TPST2: variants seen among roughly 807,000 people sequenced by gnomAD.
TPST2 encodes the protein protein-tyrosine sulfotransferase 2.
TPST2 carries 16 observed loss-of-function variants against 27.8 expected under a neutral mutation model. That is an observed-to-expected ratio of 0.58 (90% CI 0.39 to 0.88). The LOEUF is 0.88. Among genes scored for constraint, TPST2 ranks in the 40% least tolerant of loss-of-function variants. TPST2 has a pLI of 0.00. For missense variants in TPST2, 464 were observed against 543.1 expected (o/e 0.85, Z 1.45); for synonymous variants, 229 against 231.7 (o/e 0.99, Z 0.10).
chr22:26,545,802 T>G (rs2267082), intron 1 of TPST2, among the ~76,000 whole-genome samples: 39,522 of 152,120 alleles, frequency 0.26, 5,287 homozygotes, highest in African/African-American at 0.27. Flanking sequence ...CAGCCAGGCC[T>G]GGGGTGGTGG....
chr22:26,560,894 T>C, intron 1 of TPST2: 1 of 1,601,324 alleles, frequency 6.2e-7, no homozygotes, highest in Non-Finnish European at 8.6e-7. Flanking sequence ...TGTCCATTGG[T>C]GATGTTGCGA....
chr22:26,553,492 C>A (rs1926604124), intron 1 of TPST2, among the ~76,000 whole-genome samples: 1 of 151,492 alleles, frequency 6.6e-6, no homozygotes, highest in South Asian at 2.1e-4. Flanking sequence ...TCTGCCCCAG[C>A]CTGCCAAGTA....
At chr22:26,540,497 G>C (rs1925730598) in intron 3 of TPST2, among the ~76,000 whole-genome samples, 1 of 152,206 alleles carries the variant, frequency 6.6e-6, no homozygotes. Context: ...TACTCAGGAA[G>C]ATGAGGTGGG....
chr22:26,549,343 C>T (rs932334477), intron 1 of TPST2, among the ~76,000 whole-genome samples: 12 of 152,084 alleles, frequency 7.9e-5, no homozygotes, highest in Admixed American at 2.0e-4. Flanking sequence ...CCAACCCTAG[C>T]GTGGTGTCAT....
At chr22:26,548,981 A>G (rs1163624810) in intron 1 of TPST2, among the ~76,000 whole-genome samples, 3 of 152,158 alleles carry the variant, frequency 2.0e-5, no homozygotes, top group Non-Finnish European at 1.5e-5. Context: ...AGAAAAAAAA[A>G]TCTGAAATCC....
At chr22:26,532,812 AAC>A in intron 4 of TPST2, 67 bp from the exon 5 acceptor site, 1 of 1,502,372 alleles carries the variant, frequency 6.7e-7, no homozygotes, top group Non-Finnish European at 9.2e-7. Flanking sequence ...AGTCATTCCC[AAC>A]ACATCCAGTC....
intron 1 of TPST2, among the ~76,000 whole-genome samples, chr22:26,562,300 G>A (rs1191595354): frequency 6.6e-6 from 1 of 152,188 alleles, no homozygotes; most frequent in East Asian, 1.9e-4. Context: ...GGGGCTGCTG[G>A]AGAGATGCAA....
intron 1 of TPST2, among the ~76,000 whole-genome samples, chr22:26,573,846 G>A (rs966933688): frequency 7.2e-5 from 11 of 152,178 alleles, no homozygotes; most frequent in Non-Finnish European, 1.3e-4. Context: ...CCGGTTTCCT[G>A]AGCATTCACC....
chr22:26,559,687 A>G (rs1313328850), intron 1 of TPST2, among the ~76,000 whole-genome samples: 1 of 151,914 alleles, frequency 6.6e-6, no homozygotes, highest in African/African-American at 2.4e-5. Flanking sequence ...CACTTAGCAC[A>G]CTCTGTTCAA....
Position 26,541,216 on chromosome 22 carries a change from C to G in TPST2, c.415G>C (p.Ala139Pro), listed in dbSNP as rs1344576504. 6.4e-7 allele frequency: 1 copy of G among 1,568,474 alleles called. No homozygotes were observed. The highest frequency in any genetic ancestry group is 8.7e-7 in the Non-Finnish European group (1 of 1,155,004). Residue 139 changes from alanine to proline, a missense_variant, in exon 3 of 7, where the codon GCC becomes CCC. Physicochemically the swap from Ala to Pro is conservative, Grantham distance 27. Coordinates refer to ENST00000338754, the MANE Select transcript of TPST2 (RefSeq NM_003595.5). The surrounding 1 kb of genome is among the most constrained non-coding windows in gnomAD (Gnocchi z 5.9). ...TDEVLDAAMQ[A>P]FILEVIAKHG... ...TTGGCAATCACCTCCAGGATGAAGGCCTGCATGGCGGCGTCCAGCACCTCA... is the reference window on the plus strand; with the variant it reads ...TTGGCAATCACCTCCAGGATGAAGGGCTGCATGGCGGCGTCCAGCACCTCA...
intron 4 of TPST2, among the ~76,000 whole-genome samples, chr22:26,534,850 GAAT>G (rs911556458): frequency 2.0e-5 from 3 of 151,968 alleles, no homozygotes; most frequent in South Asian, 4.2e-4. Flanking sequence ...TATTATTAAA[GAAT>G]AATAAAATAA....
At chr22:26,562,983 C>G (rs1927194269) in intron 1 of TPST2, among the ~76,000 whole-genome samples, 1 of 152,152 alleles carries the variant, frequency 6.6e-6, no homozygotes, top group Non-Finnish European at 1.5e-5. Context: ...ATGGGTAGAG[C>G]CCACGGATGC....
chr22:26,541,775 AATAACTGCAAAGCCCT>A lies in TPST2; in HGVS notation c.-88-73_-88-58del, dbSNP rs1438585952. ...GAGGTCTGTGAGCTGTGAGCTCTCC[AATAACTGCAAAGCCCT>A]ATAACTGCAAACAAGAGGCTGCTGA... On this transcript the variant is annotated intron_variant, in intron 2 of 6. Transcript: ENST00000338754. This position sits in a 1 kb window ranked among gnomAD's most constrained non-coding sequence, Gnocchi z 5.9. 8 of 1,401,060 alleles carry A rather than the reference AATAACTGCAAAGCCCT, an allele frequency of 5.7e-6. No homozygotes were observed. The highest frequency in any genetic ancestry group is 2.9e-5 in the Admixed American group (1 of 34,702). 86.8% of individuals were successfully genotyped at this position (1,401,060 alleles called of 1,614,324 possible). A position where few individuals can be genotyped will look rare whatever the true frequency, so the allele number is the denominator to read the frequency against.
intron 1 of TPST2, among the ~76,000 whole-genome samples, chr22:26,572,993 C>T (rs1927689167): frequency 6.6e-6 from 1 of 152,150 alleles, no homozygotes; most frequent in East Asian, 1.9e-4. Context: ...ATCACTTAAC[C>T]TCTCTGGGCC....
intron 1 of TPST2, among the ~76,000 whole-genome samples, chr22:26,553,060 CAAAAAAAAAAAA>C (rs3037016): frequency 2.3e-5 from 1 of 43,172 alleles, no homozygotes; most frequent in Non-Finnish European, 4.0e-5. Flanking sequence ...AACTCCATCT[CAAAAAAAAAAAA>C]AAAAAAAAAA....
intron 5 of TPST2, among the ~76,000 whole-genome samples, chr22:26,529,867 T>TA (rs1925053730): frequency 2.7e-5 from 4 of 150,756 alleles, no homozygotes; most frequent in Middle Eastern, 3.4e-3. Context: ...GGCCTTGAAT[T>TA]TAAAAAAAAA....
chr22:26,557,526 G>C (rs763232195), intron 1 of TPST2, among the ~76,000 whole-genome samples: 16 of 152,174 alleles, frequency 1.1e-4, no homozygotes, highest in Non-Finnish European at 1.6e-4. Flanking sequence ...ATCAGCAGTG[G>C]TGAGCAGGAA....
At chr22:26,543,685 T>A (rs1925977115) in intron 2 of TPST2, among the ~76,000 whole-genome samples, 1 of 152,184 alleles carries the variant, frequency 6.6e-6, no homozygotes, top group Admixed American at 6.5e-5. Context: ...CCCTGCAGTA[T>A]CTAAGCTCAA....
intron 1 of TPST2, among the ~76,000 whole-genome samples, chr22:26,569,460 C>T (rs372291204): frequency 7.2e-5 from 11 of 152,260 alleles, no homozygotes; most frequent in African/African-American, 2.6e-4. Context: ...ATGCATTTTT[C>T]TGTATACACG....
Sources: gnomAD v4.1 joint callset for allele counts (sites outside exome capture counted in the v4.1 genomes callset) on GRCh38, gnomAD v4.1.1 for gene constraint, Gnocchi (gnomAD v3.1) non-coding constraint, MANE v1.5 for transcripts, NCBI Gene and HGNC (gene_info 2026-07-23, HGNC 2026-07-21) for gene names.